The following ADAMTS13 variants were observed in gnomAD, a reference collection of about 807,000 sequenced individuals.
ADAMTS13 encodes ADAM metallopeptidase with thrombospondin type 1 motif 13.
ADAMTS13 carries 110 observed loss-of-function variants against 155.1 expected under a neutral mutation model. That is an observed-to-expected ratio of 0.71 (90% confidence interval 0.61 to 0.83). ADAMTS13 has a LOEUF of 0.83. Among genes scored for constraint, ADAMTS13 ranks in the 40% least tolerant of loss-of-function variants. ADAMTS13 has a pLI of 0.00. For synonymous variants in ADAMTS13, 758 were observed against 756.4 expected (o/e 1.00, Z -0.03); for missense variants, 1,707 against 1,891.7 (o/e 0.90, Z 1.81).
At chr9:133,417,743 TTTC>T, upstream of ADAMTS13, 1 of 1,613,872 alleles carries the variant, frequency 6.2e-7, no homozygotes, top group Non-Finnish European at 8.5e-7. Flanking sequence ...AAAACCTTTT[TTTC>T]TTCTTGTTTT....
At chr9:133,435,044 G>A (rs1411970412) in intron 11 of ADAMTS13, among the ~76,000 whole-genome samples, 1 of 152,142 alleles carries the variant, frequency 6.6e-6, no homozygotes, top group African/African-American at 2.4e-5. Context: ...GGACATCTGA[G>A]GTGTTTTCAC....
Position 133,442,491 on chromosome 9 carries a change from G to A in ADAMTS13, c.2061G>A (p.Val687=). 1 of 1,613,700 alleles carries A rather than the reference G, an allele frequency of 6.2e-7. No homozygotes were observed. The highest frequency in any genetic ancestry group is 8.5e-7 in the Non-Finnish European group (1 of 1,180,034). ...YFQPKPRQAW[V]WAAVRGPCSV... ...AGCCTAAGCCACGGCAGGCCTGGGTGTGGGCCGCTGTGCGTGGGCCCTGCT... is the reference window on the plus strand; with the variant it reads ...AGCCTAAGCCACGGCAGGCCTGGGTATGGGCCGCTGTGCGTGGGCCCTGCT... Residue 687 remains valine (V), a synonymous_variant, in exon 17 of 29, where the codon GTG becomes GTA. Coordinates refer to ENST00000355699, the MANE Select transcript of ADAMTS13 (RefSeq NM_139027.6).
rs781930104 is a variant in ADAMTS13, at chr9:133,423,184, C to T, written c.172+17C>T. ...CCTTAAAAGGTACTTGTCCTGGTGT[C>T]TTCTCTCCCGGGGGGAGTTTCTCAG... On this transcript the variant is annotated intron_variant, in intron 2 of 28. Coordinates refer to ENST00000355699, the MANE Select transcript of ADAMTS13 (RefSeq NM_139027.6). 2.5e-6 allele frequency: 4 copies of T among 1,612,504 alleles called. No homozygotes were observed. The highest frequency in any genetic ancestry group is 3.4e-6 in the Non-Finnish European group (4 of 1,178,854).
Position 133,448,739 on chromosome 9 carries a change from G to A in ADAMTS13, c.2861+11G>A, listed in dbSNP as rs782529476. The A allele has an allele frequency of 1.3e-6, 2 of 1,599,044 alleles. No homozygotes were observed. The highest frequency in any genetic ancestry group is 1.1e-5 in the South Asian group (1 of 90,886). The stretch of plus-strand genomic sequence containing the variant: ...CCCGTGCCCTGCTCGGTGAGTGAGG[G>A]GAGCAAGACTGTGTGCTGGCCTTCT... On this transcript the variant is annotated intron_variant, in intron 22 of 28. Transcript: ENST00000355699.
In ADAMTS13 at chr9:133,456,323, G is replaced by A; in HGVS notation, c.3547+108G>A. The A allele has an allele frequency of 6.5e-7, 1 of 1,544,752 alleles. No homozygotes were observed. The highest frequency in any genetic ancestry group is 8.8e-7 in the Non-Finnish European group (1 of 1,133,234). ...CAGGAGCCCATGTGCATTCCCACCT[G>A]TAGTTTGCATCCCATCTCATGACTG... On this transcript the variant is annotated intron_variant, in intron 26 of 28. Coordinates refer to ENST00000355699, the MANE Select transcript of ADAMTS13 (RefSeq NM_139027.6). This position sits in a 1 kb window ranked among gnomAD's most constrained non-coding sequence, Gnocchi z 4.4.
chr9:133,414,618 G>A (rs973243783), exon 1 of ADAMTS13: 5 of 1,554,142 alleles, frequency 3.2e-6, no homozygotes, highest in Non-Finnish European at 4.4e-6. Flanking sequence ...AGGCCTTGGT[G>A]AAGTCGCTGT....
chr9:133,428,999 C>T (rs1204394511), intron 7 of ADAMTS13, among the ~76,000 whole-genome samples: 2 of 144,396 alleles, frequency 1.4e-5, no homozygotes, highest in African/African-American at 5.2e-5. Context: ...CCACCCCTCC[C>T]TACGTCCGTC....
Position 133,456,832 on chromosome 9 carries a change from G to A in ADAMTS13, c.3724+113G>A, listed in dbSNP as rs1180267992. The A allele has an allele frequency of 2.2e-6, 3 of 1,349,488 alleles. No individual in the cohort carries two copies. Among genetic ancestry groups the A allele is most frequent in the Non-Finnish European group, 3.1e-6 (3 of 973,642 alleles). The allele number at this position is 1,349,488 out of a possible 1,614,324, so 83.6% of individuals were successfully genotyped here. A position where few individuals can be genotyped will look rare whatever the true frequency, so the allele number is the denominator to read the frequency against. On this transcript the variant is annotated intron_variant, in intron 27 of 28. Coordinates refer to ENST00000355699, the MANE Select transcript of ADAMTS13 (RefSeq NM_139027.6). This position sits in a 1 kb window ranked among gnomAD's most constrained non-coding sequence, Gnocchi z 4.4. ...AGTGGGGCAGTGGGAAGATACGGAG[G>A]GAACTGACTGAGATGGAAGGAACTG...
At chr9:133,427,503 C>T (rs1310184138) in intron 6 of ADAMTS13, among the ~76,000 whole-genome samples, 2 of 152,086 alleles carry the variant, frequency 1.3e-5, no homozygotes, top group African/African-American at 4.8e-5. Context: ...GGCAGGGTTC[C>T]TGGGTGTGGG....
At chr9:133,428,112 G>A (rs1222458406) in intron 6 of ADAMTS13, among the ~76,000 whole-genome samples, 3 of 152,098 alleles carry the variant, frequency 2.0e-5, no homozygotes, top group African/African-American at 7.2e-5. Flanking sequence ...CATCAGTTCC[G>A]CTTTGGGTAA....
upstream of ADAMTS13, among the ~76,000 whole-genome samples, chr9:133,421,321 A>G (rs921565909): frequency 1.3e-5 from 2 of 152,216 alleles, no homozygotes; most frequent in African/African-American, 2.4e-5. Flanking sequence ...TGATGGAGTG[A>G]GCCAGGTACC....
At chr9:133,451,684 A>G (rs1842442140) in intron 23 of ADAMTS13, among the ~76,000 whole-genome samples, 2 of 152,118 alleles carry the variant, frequency 1.3e-5, no homozygotes, top group Admixed American at 1.3e-4. Flanking sequence ...TGAGCCCAGG[A>G]GTTTGAGACC....
intron 11 of ADAMTS13, among the ~76,000 whole-genome samples, chr9:133,435,932 G>A (rs587696049): frequency 1.0e-3 from 156 of 151,168 alleles, no homozygotes; most frequent in African/African-American, 3.5e-3. Context: ...CCCCACATCC[G>A]CTGCAGCACT....
chr9:133,442,748 G>T lies in ADAMTS13; in HGVS notation c.2234+5G>T. On this transcript the variant is annotated splice_donor_5th_base_variant and intron_variant, in intron 18 of 28. Coordinates refer to ENST00000355699, the MANE Select transcript of ADAMTS13 (RefSeq NM_139027.6). Reference sequence around the variant, plus strand: ...GCTCGAACCCTGCCCTCCCTAGTGAGTGTGGTGCTGTCTGCGCAGCTCCAA... The same window carrying T: ...GCTCGAACCCTGCCCTCCCTAGTGATTGTGGTGCTGTCTGCGCAGCTCCAA... The T allele has an allele frequency of 6.2e-7, 1 of 1,611,960 alleles. No individual in the cohort carries two copies. Among genetic ancestry groups the T allele is most frequent in the South Asian group, 1.1e-5 (1 of 91,060 alleles).
At chr9:133,433,841 A>T in intron 11 of ADAMTS13, 137 bp downstream of exon 11, 1 of 1,072,838 alleles carries the variant, frequency 9.3e-7, no homozygotes, top group Non-Finnish European at 1.4e-6. Context: ...TATGCCTGTA[A>T]TCCCAGCACT....
intron 10 of ADAMTS13, 30 bp downstream of exon 10, chr9:133,433,559 G>A: frequency 6.2e-7 from 1 of 1,613,716 alleles, no homozygotes. Context: ...TTTCTGTCAG[G>A]GAGTGTGGCC....
intron 1 of ADAMTS13, 141 bp downstream of exon 1, chr9:133,422,689 C>T: frequency 2.5e-6 from 2 of 794,912 alleles, no homozygotes; most frequent in Non-Finnish European, 2.1e-6. Flanking sequence ...GTACTTGGGG[C>T]TTTGGGGGAT....
intron 11 of ADAMTS13, among the ~76,000 whole-genome samples, chr9:133,435,637 C>G (rs1350224821): frequency 1.3e-5 from 2 of 151,762 alleles, no homozygotes; most frequent in Admixed American, 1.3e-4. Context: ...TCACCCCATT[C>G]TCCTGCCTCA....
Position 133,456,353 on chromosome 9 carries a change from G to A in ADAMTS13, c.3547+138G>A. The A allele has an allele frequency of 6.9e-7, 1 of 1,451,878 alleles. No homozygotes were observed. The highest frequency in any genetic ancestry group is 2.0e-4 in the Middle Eastern group (1 of 5,008). 89.9% of individuals were successfully genotyped at this position (1,451,878 alleles called of 1,614,324 possible). A position where few individuals can be genotyped will look rare whatever the true frequency, so the allele number is the denominator to read the frequency against. Reference sequence around the variant, plus strand: ...TTGCATCCCATCTCATGACTGGGGAGTGATGATCTGCATTTTACAGATGAG... The same window carrying A: ...TTGCATCCCATCTCATGACTGGGGAATGATGATCTGCATTTTACAGATGAG... On this transcript the variant is annotated intron_variant, in intron 26 of 28. Coordinates refer to ENST00000355699, the MANE Select transcript of ADAMTS13 (RefSeq NM_139027.6). This position sits in a 1 kb window ranked among gnomAD's most constrained non-coding sequence, Gnocchi z 4.4.
Sources: allele counts gnomAD v4.1 joint callset (sites outside exome capture counted in the v4.1 genomes callset), GRCh38; gene constraint gnomAD v4.1.1; non-coding constraint Gnocchi (gnomAD v3.1); transcripts MANE v1.5; gene names NCBI Gene and HGNC (gene_info 2026-07-23, HGNC 2026-07-21).